ERCC5: variants seen among roughly 807,000 people sequenced by gnomAD.
ERCC5 encodes ERCC excision repair 5, endonuclease, also known as DNA excision repair protein ERCC-5.
A neutral mutation model predicts 105.6 loss-of-function variants in ERCC5; 68 were observed. That is an observed-to-expected ratio of 0.64 (90% CI 0.53 to 0.79). The LOEUF is 0.79. Ranked by LOEUF, ERCC5 falls within the 30% of genes least tolerant of loss-of-function variation. The pLI is 0.00. For synonymous variants in ERCC5, 546 were observed against 526.2 expected (o/e 1.04, Z -0.51); for missense variants, 1,373 against 1,426.7 (o/e 0.96, Z 0.61).
In ERCC5 at chr13:102,846,061, C is replaced by T. The variant is rs537543496; in HGVS notation, c.-206C>T. 3.2e-5 allele frequency: 19 copies of T among 586,452 alleles called. 1 individual carries two copies. The Admixed American group carries it at 3.6e-4, about 11-fold the overall frequency. 36.3% of individuals were successfully genotyped at this position (586,452 alleles called of 1,614,324 possible). A position where few individuals can be genotyped will look rare whatever the true frequency, so the allele number is the denominator to read the frequency against. On this transcript the variant is annotated 5_prime_UTR_variant, in exon 1 of 15. In the 5' UTR this introduces an upstream ATG that the reference lacks. Transcript: ENST00000652225. Reference sequence around the variant, plus strand: ...CGGGAGGCGGTGACAGCTGCTGAGACGTGTTGCAGCCAGAGTCTCTCCGCT... The same window carrying T: ...CGGGAGGCGGTGACAGCTGCTGAGATGTGTTGCAGCCAGAGTCTCTCCGCT...
chr13:102,872,111 A>G, intron 12 of ERCC5, 87 bp from the exon 13 acceptor site: 1 of 1,461,644 alleles, frequency 6.8e-7, no homozygotes, highest in Non-Finnish European at 9.4e-7. Context: ...ACTTGAGTTT[A>G]CATGTTCTAA....
At chr13:102,854,009 GC>G in intron 3 of ERCC5, 137 bp downstream of exon 3, 1 of 753,616 alleles carries the variant, frequency 1.3e-6, no homozygotes, top group Non-Finnish European at 2.0e-6. Flanking sequence ...CAAGTAGGCT[GC>G]CATTTTGACC....
intron 1 of ERCC5, among the ~76,000 whole-genome samples, chr13:102,847,268 ATTT>A (rs1882002350): frequency 6.7e-6 from 1 of 149,152 alleles, no homozygotes; most frequent in African/African-American, 2.5e-5. Flanking sequence ...TGCTTTTGAA[ATTT>A]TTATCTTTTT....
In ERCC5 at chr13:102,865,647, AC is replaced by A; in HGVS notation, c.1955-18del. 4.3e-6 allele frequency: 7 copies of A among 1,612,424 alleles called. No individual in the cohort carries two copies. Among genetic ancestry groups the A allele is most frequent in the Non-Finnish European group, 5.9e-6 (7 of 1,179,468 alleles). On this transcript the variant is annotated intron_variant, in intron 8 of 14. Coordinates refer to ENST00000652225, the MANE Select transcript of ERCC5 (RefSeq NM_000123.4). This position sits in a 1 kb window ranked among gnomAD's most constrained non-coding sequence, Gnocchi z 4.0. ...TAATGTTTTGATTGTAGATGAAGTG[AC>A]CTTTTAATTTTGGTACAGGAAGTTT...
intron 6 of ERCC5, among the ~76,000 whole-genome samples, chr13:102,858,630 C>T (rs1335419040): frequency 1.3e-5 from 2 of 152,054 alleles, no homozygotes; most frequent in Non-Finnish European, 2.9e-5. Context: ...GACTTTTGAC[C>T]CGAGACTAGG....
intron 6 of ERCC5, among the ~76,000 whole-genome samples, chr13:102,859,854 G>A (rs1344961724): frequency 2.0e-5 from 3 of 152,116 alleles, no homozygotes; most frequent in Non-Finnish European, 4.4e-5. Context: ...CTTTACTCAC[G>A]GTTTGCAGTT....
chr13:102,869,148 G>A (rs1407763399), intron 12 of ERCC5, among the ~76,000 whole-genome samples: 1 of 152,214 alleles, frequency 6.6e-6, no homozygotes, highest in Non-Finnish European at 1.5e-5. Flanking sequence ...TGAAGAGTCA[G>A]TGACTGGAAT....
chr13:102,875,723 A>G lies in ERCC5; in HGVS notation c.3381A>G (p.Ser1127=), dbSNP rs1384113237. ...TAAKEPKTSA[S]DSQNSVKEAP... is the part of the protein sequence containing the mutation. ...CGAAAGAGCCAAAAACCAGTGCTTCAGATTCGCAGAACTCAGTGAAGGAAG... is the reference window on the plus strand; with the variant it reads ...CGAAAGAGCCAAAAACCAGTGCTTCGGATTCGCAGAACTCAGTGAAGGAAG... The change falls in exon 15 of 15, where the codon TCA becomes TCG. Residue 1127 remains serine (S), a synonymous_variant. Coordinates refer to ENST00000652225, the MANE Select transcript of ERCC5 (RefSeq NM_000123.4). The G allele has an allele frequency of 1.2e-6, 2 of 1,614,198 alleles. No homozygotes were observed. The highest frequency in any genetic ancestry group is 2.2e-5 in the South Asian group (2 of 91,086).
intron 8 of ERCC5, among the ~76,000 whole-genome samples, chr13:102,864,126 C>CCACACACACACACACACA (rs10647676): frequency 1.0e-3 from 144 of 140,970 alleles, no homozygotes; most frequent in East Asian, 8.0e-3. Context: ...AGAGAATCAA[C>CCACACACACACACACACA]CACACACACA....
At chr13:102,871,664 CTG>C (rs1883037979) in intron 12 of ERCC5, among the ~76,000 whole-genome samples, 1 of 151,850 alleles carries the variant, frequency 6.6e-6, no homozygotes, top group Non-Finnish European at 1.5e-5. Context: ...ATACATGTAT[CTG>C]TTTTTACAGA....
chr13:102,847,939 T>C (rs571983474), intron 1 of ERCC5, among the ~76,000 whole-genome samples: 4 of 152,112 alleles, frequency 2.6e-5, no homozygotes, highest in Non-Finnish European at 5.9e-5. Context: ...GGCAGGAGGA[T>C]CATTTGAGCC....
At chr13:102,849,446 A>G in intron 1 of ERCC5, 1 of 518,960 alleles carries the variant, frequency 1.9e-6, no homozygotes, top group Non-Finnish European at 3.8e-6. Context: ...TGTTTGGTGT[A>G]TATCCCTAGG....
intron 12 of ERCC5, 57 bp downstream of exon 12, chr13:102,868,314 T>C (rs1882918614): frequency 3.1e-6 from 5 of 1,605,468 alleles, no homozygotes; most frequent in South Asian, 2.2e-5. Flanking sequence ...AATAAGCAAA[T>C]AGAACTATTA....
Position 102,865,359 on chromosome 13 carries a change from A to T in ERCC5, c.1955-308A>T. On this transcript the variant is annotated intron_variant, in intron 8 of 14. Transcript: ENST00000652225. The surrounding 1 kb of genome is among the most constrained non-coding windows in gnomAD (Gnocchi z 4.0). The stretch of plus-strand genomic sequence containing the variant: ...TATACTTTGATAATCCTCCTTTTTG[A>T]ATTTTTAAAACAATGTCAGTTAACT... The T allele has an allele frequency of 5.5e-6, 2 of 362,344 alleles. No homozygotes were observed. Among genetic ancestry groups the T allele is most frequent in the Non-Finnish European group, 1.1e-5 (2 of 189,700 alleles). The allele number at this position is 362,344 out of a possible 1,614,324, so 22.4% of individuals were successfully genotyped here.
At chr13:102,866,486 G>C in intron 10 of ERCC5, 105 bp downstream of exon 10, 12 of 1,607,784 alleles carry the variant, frequency 7.5e-6, no homozygotes, top group Non-Finnish European at 1.0e-5. Flanking sequence ...CTCAGGGCCT[G>C]GTGATGCCGT....
chr13:102,864,008 A>T (rs1015614193), intron 8 of ERCC5, among the ~76,000 whole-genome samples: 28 of 152,050 alleles, frequency 1.8e-4, no homozygotes, highest in African/African-American at 6.3e-4. Flanking sequence ...TATATATGTT[A>T]TATATGCATA....
In ERCC5 at chr13:102,866,820, A is replaced by G. The variant is rs1882859278; in HGVS notation, c.2508A>G (p.Gln836=). The part of the protein sequence containing the change: ...FNKNKFVEYY[Q]YVDFHNQLGL... ...AAAACAAGTTTGTAGAATATTATCA[A>G]TATGTGGACTTTCACAATCAATTGG... The change falls in exon 11 of 15, where the codon CAA becomes CAG. Residue 836 remains glutamine (Q), a synonymous_variant. Coordinates refer to ENST00000652225, the MANE Select transcript of ERCC5 (RefSeq NM_000123.4). The G allele has an allele frequency of 1.2e-6, 2 of 1,612,544 alleles. No individual in the cohort carries two copies. Among genetic ancestry groups the G allele is most frequent in the Non-Finnish European group, 1.7e-6 (2 of 1,179,032 alleles).
chr13:102,861,916 AATGAAAATGT>A (rs1882634969), intron 7 of ERCC5, 104 bp from the exon 8 acceptor site: 1 of 1,470,920 alleles, frequency 6.8e-7, no homozygotes, highest in African/African-American at 1.4e-5. Context: ...TTGCCGATTA[AATGAAAATGT>A]ATATACTTAT....
chr13:102,850,979 T>C (rs1882179674), intron 1 of ERCC5, among the ~76,000 whole-genome samples: 1 of 152,218 alleles, frequency 6.6e-6, no homozygotes, highest in South Asian at 2.1e-4. Context: ...GGTGTCACTC[T>C]TTCTTTTGGA....
Sources: gnomAD v4.1 joint callset for allele counts (sites outside exome capture counted in the v4.1 genomes callset) on GRCh38, gnomAD v4.1.1 for gene constraint, Gnocchi (gnomAD v3.1) non-coding constraint, MANE v1.5 for transcripts, NCBI Gene and HGNC (gene_info 2026-07-23, HGNC 2026-07-21) for gene names.